The following TAF4 variants were observed in gnomAD, a reference collection of about 807,000 sequenced individuals.
TAF4 encodes transcription initiation factor TFIID subunit 4.
In TAF4, 9 loss-of-function variants were observed where a neutral mutation model predicts 90.3. The observed-to-expected ratio is 0.10, with a 90% CI of 0.06 to 0.17. The LOEUF (loss-of-function observed/expected upper bound fraction) is 0.17, where lower values mean the gene tolerates loss of function less well. TAF4 is among the 10% of genes least tolerant of loss of function. The probability of loss-of-function intolerance (pLI) is 1.00; values close to 1 mark genes in which losing one functional copy is unlikely to be tolerated. For missense variants in TAF4, 1,351 were observed against 1,370.7 expected, an observed-to-expected ratio of 0.99 and a Z score of 0.23; for synonymous variants, 818 against 638.9, an observed-to-expected ratio of 1.28 and a Z score of -4.23.
chr20:62,012,664 G>C (rs2055785893), intron 3 of TAF4, 151 bp downstream of exon 3: 1 of 1,130,362 alleles, frequency 8.8e-7, no homozygotes, highest in Non-Finnish European at 1.2e-6. Context: ...CAAAGAAAAA[G>C]CACTTTCTTC....
At chr20:61,979,852 C>T (rs1394019702) in intron 14 of TAF4, among the ~76,000 whole-genome samples, 33 of 151,888 alleles carry the variant, frequency 2.2e-4, no homozygotes, top group Non-Finnish European at 1.5e-5. Context: ...GCCGTGGCCA[C>T]TCCAGAGGGA....
chr20:61,979,924 G>A (rs1211351470), intron 14 of TAF4, among the ~76,000 whole-genome samples: 1 of 152,270 alleles, frequency 6.6e-6, no homozygotes, highest in Non-Finnish European at 1.5e-5. Context: ...AGGCGCAATG[G>A]CGCAAAACAG....
At chr20:62,001,689 T>C (rs1347063223) in intron 9 of TAF4, among the ~76,000 whole-genome samples, 1 of 152,096 alleles carries the variant, frequency 6.6e-6, no homozygotes, top group African/African-American at 2.4e-5. Flanking sequence ...GGGCTGTGGC[T>C]GGGCTGCACA....
intron 1 of TAF4, among the ~76,000 whole-genome samples, chr20:62,049,183 C>A (rs1032626225): frequency 6.6e-6 from 1 of 152,094 alleles, no homozygotes; most frequent in African/African-American, 2.4e-5. Flanking sequence ...AGTGCCCACG[C>A]CCGCCTTCCA....
rs776787851 is a variant in TAF4 at position 62,014,575 on chromosome 20, G to A, written c.1493C>T (p.Ala498Val). 6.2e-7 allele frequency: 1 copy of A among 1,613,780 alleles called. No homozygotes were observed. Among genetic ancestry groups the A allele is most frequent in the Non-Finnish European group, 8.5e-7 (1 of 1,179,912 alleles). Residue 498 changes from alanine (A) to valine (V), a missense_variant, in exon 2 of 15, where the codon GCC becomes GTC. Ala to Val is a moderately conservative substitution (Grantham distance 64). Transcript: ENST00000252996. ...MAPRPATPTS[A>V]PPVQISTVQA... ...TACGGTGGAGATCTGGACGGGAGGG[G>A]CACTTGTGGGGGTGGCAGGGCGAGG...
At chr20:61,979,057 C>T (rs1449867445) in intron 14 of TAF4, 1 of 153,300 alleles carries the variant, frequency 6.5e-6, no homozygotes, top group Non-Finnish European at 1.5e-5. Context: ...TTGCAGAATT[C>T]TATGTGGATT....
At chr20:62,056,230 C>G (rs978902784) in intron 1 of TAF4, among the ~76,000 whole-genome samples, 8 of 151,970 alleles carry the variant, frequency 5.3e-5, no homozygotes, top group African/African-American at 1.7e-4. Context: ...GAGTGAGACT[C>G]TGTCTCGAAA....
rs1600820147 is a variant in TAF4 at position 61,975,682 on chromosome 20, A to T, written c.*486T>A. 1 of 69,086 alleles carries T rather than the reference A, an allele frequency of 1.4e-5. No homozygotes were observed. Among genetic ancestry groups the T allele is most frequent in the Admixed American group, 1.8e-4 (1 of 5,590 alleles). The allele number at this position is 69,086 out of a possible 1,614,324, so 4.3% of individuals were successfully genotyped here. A position where few individuals can be genotyped will look rare whatever the true frequency, so the allele number is the denominator to read the frequency against. ...GGGGAGGGCAGGGGGCAGAGAGGAG[A>T]GCGGGGTGGGAGGGGAAGGGAAGGA... On this transcript the variant is annotated 3_prime_UTR_variant, in exon 15 of 15. Transcript: ENST00000252996.
intron 13 of TAF4, 26 bp downstream of exon 13, chr20:61,998,110 G>T: frequency 6.2e-7 from 1 of 1,612,780 alleles, no homozygotes; most frequent in South Asian, 1.1e-5. Context: ...AAGTGCCCAC[G>T]AGCACTCACG....
chr20:61,988,582 G>A (rs1247744111), intron 14 of TAF4, among the ~76,000 whole-genome samples: 2 of 152,152 alleles, frequency 1.3e-5, no homozygotes, highest in Non-Finnish European at 2.9e-5. Context: ...CCTACAAGAA[G>A]AAAAGAATGA....
Position 62,064,879 on chromosome 20 carries a change from G to T in TAF4, c.932C>A (p.Ala311Glu). 1 of 910,030 alleles carries T rather than the reference G, an allele frequency of 1.1e-6. No homozygotes were observed. The highest frequency in any genetic ancestry group is 1.3e-6 in the Non-Finnish European group (1 of 766,580). 56.4% of individuals were successfully genotyped at this position (910,030 alleles called of 1,614,324 possible). A position where few individuals can be genotyped will look rare whatever the true frequency, so the allele number is the denominator to read the frequency against. ...AAAQNGGSAG[A>E]APAPAPAAGG... ...GGCGGCCGGGGCGGGGGCGGGGGCTGCCCCGGCGCTGCCCCCGTTCTGGGC... is the reference window on the plus strand; with the variant it reads ...GGCGGCCGGGGCGGGGGCGGGGGCTTCCCCGGCGCTGCCCCCGTTCTGGGC... Residue 311 changes from alanine (A) to glutamate (E), a missense_variant, in exon 1 of 15, where the codon GCA (alanine) becomes GAA (glutamate). By Grantham distance (107) the Ala-to-Glu change is moderately radical. Coordinates refer to ENST00000252996, the MANE Select transcript of TAF4 (RefSeq NM_003185.4).
chr20:61,985,499 T>C (rs533561001), intron 14 of TAF4, among the ~76,000 whole-genome samples: 87 of 152,194 alleles, frequency 5.7e-4, no homozygotes, highest in Middle Eastern at 3.4e-3. Flanking sequence ...ATTTGAAATG[T>C]ACTATTTTGA....
chr20:62,042,565 G>A (rs1383304320), intron 1 of TAF4, among the ~76,000 whole-genome samples: 1 of 152,214 alleles, frequency 6.6e-6, no homozygotes, highest in Non-Finnish European at 1.5e-5. Context: ...TGGGGCGGGA[G>A]CCCAAAAGGG....
rs764781977 is a variant in TAF4 at position 62,064,656 on chromosome 20, G to A, written c.1155C>T (p.Ser385=). The A allele has an allele frequency of 4.6e-6, 6 of 1,306,788 alleles. No homozygotes were observed. The highest frequency in any genetic ancestry group is 8.5e-5 in the Admixed American group (2 of 23,450). The allele number at this position is 1,306,788 out of a possible 1,614,324, so 80.9% of individuals were successfully genotyped here. ...IGPTMQGALP[S]PAAVPPPAPG... ...GGGCGGGCGGCGGGACGGCGGCCGGGCTGGGCAGCGCCCCTTGCATAGTTG... is the reference window on the plus strand; with the variant it reads ...GGGCGGGCGGCGGGACGGCGGCCGGACTGGGCAGCGCCCCTTGCATAGTTG... The change falls in exon 1 of 15, where the codon AGC becomes AGT. Residue 385 remains serine (S), a synonymous_variant. Coordinates refer to ENST00000252996, the MANE Select transcript of TAF4 (RefSeq NM_003185.4).
chr20:62,065,380 G>T lies in TAF4; in HGVS notation c.431C>A (p.Ala144Asp). ...AGSCAPVPAA[A>D]AVAAGPEPAP... ...GGGCTCGGGCCCCGCGGCGACGGCG[G>T]CGGCGGCGGGCACCGGGGCGCAGGA... Residue 144 changes from alanine to aspartate, a missense_variant, in exon 1 of 15, where the codon GCC (alanine) becomes GAC (aspartate). Physicochemically the swap from Ala to Asp is moderately radical, Grantham distance 126 (BLOSUM62 -2). Transcript: ENST00000252996. 1.0e-6 allele frequency: 1 copy of T among 972,734 alleles called. No individual in the cohort carries two copies. The highest frequency in any genetic ancestry group is 1.2e-6 in the Non-Finnish European group (1 of 823,128). 60.3% of individuals were successfully genotyped at this position (972,734 alleles called of 1,614,324 possible). A position where few individuals can be genotyped will look rare whatever the true frequency, so the allele number is the denominator to read the frequency against.
intron 8 of TAF4, 52 bp from the exon 9 acceptor site, chr20:62,003,326 T>G (rs780043441): frequency 6.9e-7 from 1 of 1,457,848 alleles, no homozygotes; most frequent in Admixed American, 1.7e-5. Context: ...TTAGATCAAC[T>G]ATGTGCTTTG....
At chr20:62,012,210 G>A (rs1425639417) in intron 3 of TAF4, 2 of 152,542 alleles carry the variant, frequency 1.3e-5, no homozygotes, top group East Asian at 1.9e-4. Context: ...CACTACAGAC[G>A]AGGGATGTGA....
chr20:62,030,085 C>T (rs2055896590), intron 1 of TAF4, among the ~76,000 whole-genome samples: 1 of 152,152 alleles, frequency 6.6e-6, no homozygotes, highest in South Asian at 2.1e-4. Context: ...GCTGCGAGGC[C>T]AGGCGAGCAG....
chr20:62,003,843 G>T lies in TAF4; in HGVS notation c.2259C>A (p.Ile753=). 6.3e-7 allele frequency: 1 copy of T among 1,592,544 alleles called. No homozygotes were observed. The highest frequency in any genetic ancestry group is 8.5e-7 in the Non-Finnish European group (1 of 1,171,340). ...GCGTCAACGTCACCTGCGGGGGCCGGATCAGGGCTCCTGGCTTCGGAGGCT... is the reference window on the plus strand; with the variant it reads ...GCGTCAACGTCACCTGCGGGGGCCGTATCAGGGCTCCTGGCTTCGGAGGCT... ...IQQPPKPGAL[I]RPPQVTLTQT... The change falls in exon 8 of 15, where the codon ATC becomes ATA. Residue 753 remains isoleucine, a synonymous_variant. Coordinates refer to ENST00000252996, the MANE Select transcript of TAF4 (RefSeq NM_003185.4).
Sources: gnomAD v4.1 joint callset for allele counts (sites outside exome capture counted in the v4.1 genomes callset) on GRCh38, gnomAD v4.1.1 for gene constraint, MANE v1.5 for transcripts, NCBI Gene and HGNC (gene_info 2026-07-23, HGNC 2026-07-21) for gene names.